Variants in SUGCT observed in about 807,000 individuals in gnomAD.
The protein encoded by SUGCT is succinyl-CoA:glutarate CoA-transferase.
In SUGCT, 41 loss-of-function variants were observed where a neutral mutation model predicts 55.0. The ratio of observed to expected loss-of-function variants is 0.74; its 90% confidence interval spans 0.58 to 0.97. The LOEUF (loss-of-function observed/expected upper bound fraction) is 0.97, where lower values mean the gene tolerates loss of function less well. Among genes scored for constraint, SUGCT ranks in the 50% least tolerant of loss-of-function variants. SUGCT has a pLI of 0.00. For missense variants in SUGCT, 568 were observed against 547.8 expected (o/e 1.04, Z -0.37); for synonymous variants, 187 against 200.4 (o/e 0.93, Z 0.56).
intron 9 of SUGCT, among the ~76,000 whole-genome samples, chr7:40,357,885 A>G (rs909679088): frequency 6.6e-6 from 1 of 152,192 alleles, no homozygotes; most frequent in Non-Finnish European, 1.5e-5. Flanking sequence ...CAGCAGGCTG[A>G]ATTTGGCCAG....
intron 9 of SUGCT, among the ~76,000 whole-genome samples, chr7:40,360,470 C>T (rs1798099056): frequency 6.6e-6 from 1 of 152,156 alleles, no homozygotes; most frequent in Non-Finnish European, 1.5e-5. Flanking sequence ...AACAGTGTGC[C>T]AAGCGCTGGG....
At chr7:40,306,033 G>C (rs892785094) in intron 8 of SUGCT, among the ~76,000 whole-genome samples, 2 of 152,098 alleles carry the variant, frequency 1.3e-5, no homozygotes, top group African/African-American at 2.4e-5. Context: ...ACCAGCTTAA[G>C]CTATGGTCTG....
At chr7:40,543,358 A>G (rs1215109469) in intron 12 of SUGCT, among the ~76,000 whole-genome samples, 1 of 152,250 alleles carries the variant, frequency 6.6e-6, no homozygotes, top group Non-Finnish European at 1.5e-5. Flanking sequence ...GATAACAAGT[A>G]CAAAATTTTC....
intron 12 of SUGCT, among the ~76,000 whole-genome samples, chr7:40,611,386 G>A (rs1798761601): frequency 6.6e-6 from 1 of 152,134 alleles, no homozygotes; most frequent in Admixed American, 6.5e-5. Context: ...ACCCTAGGAA[G>A]TTTTCCATTT....
At chr7:40,139,075 G>C (rs917446520) in intron 1 of SUGCT, among the ~76,000 whole-genome samples, 1 of 151,534 alleles carries the variant, frequency 6.6e-6, no homozygotes, top group Non-Finnish European at 1.5e-5. Flanking sequence ...GGAGTGAGCC[G>C]AGATTGCCCA....
intron 9 of SUGCT, among the ~76,000 whole-genome samples, chr7:40,412,958 C>T (rs1254255303): frequency 1.3e-5 from 2 of 151,886 alleles, no homozygotes; most frequent in East Asian, 1.9e-4. Context: ...ATATTTATTC[C>T]ATTTTGTAGG....
intron 11 of SUGCT, among the ~76,000 whole-genome samples, chr7:40,478,801 C>A (rs1790856180): frequency 6.6e-6 from 1 of 152,052 alleles, no homozygotes; most frequent in African/African-American, 2.4e-5. Context: ...AAACTTTGTA[C>A]CCCTTGAGCA....
intron 6 of SUGCT, among the ~76,000 whole-genome samples, chr7:40,214,308 T>C (rs1437758312): frequency 6.6e-6 from 1 of 152,208 alleles, no homozygotes; most frequent in Non-Finnish European, 1.5e-5. Context: ...TGGATAATGA[T>C]AGCAATGACT....
intron 1 of SUGCT, among the ~76,000 whole-genome samples, chr7:40,142,396 A>G (rs1273254090): frequency 6.6e-6 from 1 of 152,106 alleles, no homozygotes; most frequent in South Asian, 2.1e-4. Context: ...CTTCTTTAAC[A>G]TGTCTTGGCT....
chr7:40,334,466 T>C (rs150775988), intron 9 of SUGCT, among the ~76,000 whole-genome samples: 1,803 of 152,336 alleles, frequency 0.012, 16 homozygotes, highest in Middle Eastern at 0.02. Context: ...AGATGGTATC[T>C]CATTGTGGTT....
intron 12 of SUGCT, among the ~76,000 whole-genome samples, chr7:40,571,079 C>T (rs182065131): frequency 3.9e-4 from 59 of 152,084 alleles, no homozygotes; most frequent in African/African-American, 1.4e-3. Flanking sequence ...GTTTCCTTAT[C>T]TGTAAAAGCA....
At chr7:40,863,301 G>C (rs1794526780), downstream of SUGCT, among the ~76,000 whole-genome samples, 1 of 152,162 alleles carries the variant, frequency 6.6e-6, no homozygotes, top group Admixed American at 6.5e-5. Flanking sequence ...CCACAAGGCA[G>C]GGCTTTGGCA....
intron 11 of SUGCT, among the ~76,000 whole-genome samples, chr7:40,478,705 G>A (rs1790850764): frequency 6.6e-6 from 1 of 151,998 alleles, no homozygotes; most frequent in Admixed American, 6.6e-5. Context: ...CTAACCTTTT[G>A]GCAAATTTCA....
intron 9 of SUGCT, among the ~76,000 whole-genome samples, chr7:40,417,785 C>G (rs1372494409): frequency 3.3e-5 from 5 of 151,538 alleles, no homozygotes; most frequent in Non-Finnish European, 7.4e-5. Flanking sequence ...AATGTACTAG[C>G]TGTATGGTAT....
chr7:40,955,987 C>A, the SUGCT span, among the ~76,000 whole-genome samples: 1 of 152,138 alleles, frequency 6.6e-6, no homozygotes, highest in African/African-American at 2.4e-5. Flanking sequence ...CCAAGTTGAT[C>A]ATGGTGGATA....
intron 1 of SUGCT, 118 bp from the exon 2 acceptor site, chr7:40,180,829 C>T: frequency 1.3e-6 from 1 of 756,368 alleles, no homozygotes; most frequent in East Asian, 2.6e-5. Flanking sequence ...GGTCTGTGGA[C>T]TCCCTTGCTA....
chr7:40,378,474 A>G (rs953213714), intron 9 of SUGCT, among the ~76,000 whole-genome samples: 14 of 151,994 alleles, frequency 9.2e-5, no homozygotes, highest in Admixed American at 3.9e-4. Flanking sequence ...CACCTTTCTC[A>G]TACCTTTTTT....
At chr7:40,138,076 G>A (rs570486010) in intron 1 of SUGCT, among the ~76,000 whole-genome samples, 1 of 152,292 alleles carries the variant, frequency 6.6e-6, no homozygotes, top group African/African-American at 2.4e-5. Context: ...AGGGCCTTCA[G>A]TGCATCCATC....
intron 12 of SUGCT, among the ~76,000 whole-genome samples, chr7:40,662,365 G>A (rs1390208017): frequency 1.3e-5 from 2 of 152,166 alleles, no homozygotes; most frequent in Non-Finnish European, 2.9e-5. Context: ...CCACATAGAA[G>A]TCAGACTGCT....
Sources: gnomAD v4.1 joint callset for allele counts (sites outside exome capture counted in the v4.1 genomes callset) on GRCh38, gnomAD v4.1.1 for gene constraint, MANE v1.5 for transcripts, NCBI Gene and HGNC (gene_info 2026-07-23, HGNC 2026-07-21) for gene names.